Variants in MAGI1 observed in about 807,000 individuals in gnomAD.
MAGI1 encodes the protein membrane associated guanylate kinase, WW and PDZ domain containing 1.
In MAGI1, 58 loss-of-function variants were observed where a neutral mutation model predicts 139.9. The observed-to-expected ratio is 0.41, with a 90% confidence interval of 0.34 to 0.52. The LOEUF is 0.52. MAGI1 is among the 20% of genes least tolerant of loss of function. The pLI is 0.12. For synonymous variants in MAGI1, 812 were observed against 737.9 expected (o/e 1.10, Z -1.63); for missense variants, 1,874 against 1,901.6 (o/e 0.99, Z 0.27).
At chr3:65,683,476 T>TAA (rs367941270) in intron 1 of MAGI1, among the ~76,000 whole-genome samples, 3,606 of 148,850 alleles carry the variant, frequency 0.024, 136 homozygotes, top group African/African-American at 0.084. Context: ...AAAGCCTTAT[T>TAA]AAAAAAAAGA....
rs573853639 is a variant in MAGI1, at chr3:65,730,677, G to A, written c.314-108589C>T. ...GACACAAAATCAGGGGTCAGTTAGC[G>A]GGAACAGGGAGAGATGCTACTGAGG... is the stretch of plus-strand genomic sequence containing the variant. On this transcript the variant is annotated intron_variant, in intron 1 of 22. Coordinates refer to ENST00000402939, the MANE Select transcript of MAGI1 (RefSeq NM_001033057.2). Among the ~76,000 whole-genome samples the A allele has an allele frequency of 5.9e-5, 9 of 152,306 alleles. No individual in the cohort carries two copies. In the South Asian group the frequency reaches 1.4e-3, roughly 25 times the overall value.
At chr3:65,533,041 A>G (rs995824286) in intron 2 of MAGI1, 4 of 152,182 alleles carry the variant, frequency 2.6e-5, no homozygotes, top group Non-Finnish European at 5.9e-5. Context: ...CCTTCCACCT[A>G]AAGATAAACT....
chr3:65,360,351 C>CTTTT, intron 22 of MAGI1: 2 of 910,532 alleles, frequency 2.2e-6, no homozygotes, highest in Non-Finnish European at 2.6e-6. Context: ...ATAGCTTCTT[C>CTTTT]TTTTTTTTTT....
chr3:65,655,103 A>G (rs993416531), intron 1 of MAGI1, among the ~76,000 whole-genome samples: 1 of 152,162 alleles, frequency 6.6e-6, no homozygotes, highest in African/African-American at 2.4e-5. Flanking sequence ...CCTTTATTAC[A>G]CACAGTGTGT....
chr3:65,723,631 T>C (rs1706616664), intron 1 of MAGI1, among the ~76,000 whole-genome samples: 1 of 152,240 alleles, frequency 6.6e-6, no homozygotes, highest in South Asian at 2.1e-4. Context: ...TCTAGCAACA[T>C]CAGTCGACAC....
intron 1 of MAGI1, among the ~76,000 whole-genome samples, chr3:65,763,151 G>T (rs2037174097): frequency 6.6e-6 from 1 of 152,130 alleles, no homozygotes; most frequent in African/African-American, 2.4e-5. Context: ...TAGTAGGAAA[G>T]TCACATTCGT....
At chr3:65,585,568 G>A (rs1194480391) in intron 2 of MAGI1, among the ~76,000 whole-genome samples, 2 of 152,126 alleles carry the variant, frequency 1.3e-5, no homozygotes, top group Admixed American at 6.5e-5. Flanking sequence ...TGTTGCTGAT[G>A]AAAATGAAAA....
chr3:65,922,106 A>G (rs1203621763), intron 1 of MAGI1, among the ~76,000 whole-genome samples: 2 of 152,204 alleles, frequency 1.3e-5, no homozygotes, highest in Non-Finnish European at 2.9e-5. Context: ...AAAATCGCCT[A>G]AGATACAGGT....
chr3:66,007,891 A>AT (rs35578902), intron 1 of MAGI1, among the ~76,000 whole-genome samples: 10,440 of 122,484 alleles, frequency 0.085, 590 homozygotes, highest in Non-Finnish European at 0.12. Context: ...GGCTCCATAG[A>AT]TTTTTTTTTT....
At chr3:65,730,445 T>A (rs548644829) in intron 1 of MAGI1, among the ~76,000 whole-genome samples, 1 of 152,230 alleles carries the variant, frequency 6.6e-6, no homozygotes, top group Non-Finnish European at 1.5e-5. Flanking sequence ...ACTATCTTCA[T>A]GAGTATCCAT....
At chr3:65,743,083 C>T (rs538500665) in intron 1 of MAGI1, among the ~76,000 whole-genome samples, 85 of 152,232 alleles carry the variant, frequency 5.6e-4, no homozygotes, top group African/African-American at 2.0e-3. Flanking sequence ...TGCATATTTT[C>T]CTGGATGCTA....
At chr3:65,824,669 T>C (rs1170492767) in intron 1 of MAGI1, among the ~76,000 whole-genome samples, 1 of 152,194 alleles carries the variant, frequency 6.6e-6, no homozygotes, top group African/African-American at 2.4e-5. Context: ...TAGCCCTCCA[T>C]TCCCTCCTTA....
chr3:65,975,728 T>C (rs2065235209), intron 1 of MAGI1, among the ~76,000 whole-genome samples: 1 of 152,192 alleles, frequency 6.6e-6, no homozygotes, highest in South Asian at 2.1e-4. Flanking sequence ...TCTCTAGTTT[T>C]TCCTTTGCAA....
chr3:65,546,954 T>C (rs2079534142), intron 2 of MAGI1, among the ~76,000 whole-genome samples: 1 of 152,202 alleles, frequency 6.6e-6, no homozygotes, highest in Non-Finnish European at 1.5e-5. Context: ...TATGTATGCA[T>C]TTGTGTCTAT....
intron 1 of MAGI1, among the ~76,000 whole-genome samples, chr3:65,625,097 T>C (rs1263573243): frequency 1.3e-5 from 2 of 152,172 alleles, no homozygotes; most frequent in Non-Finnish European, 2.9e-5. Context: ...GGTCTCGAAC[T>C]CCTGCCCTCA....
intron 1 of MAGI1, among the ~76,000 whole-genome samples, chr3:65,671,956 A>T (rs1355861205): frequency 1.3e-5 from 2 of 152,218 alleles, no homozygotes; most frequent in South Asian, 2.1e-4. Flanking sequence ...CACCATAGAT[A>T]CAAAATTGGG....
chr3:65,731,328 A>G (rs1484924217), intron 1 of MAGI1, among the ~76,000 whole-genome samples: 2 of 152,092 alleles, frequency 1.3e-5, no homozygotes, highest in Non-Finnish European at 2.9e-5. Context: ...ACTTGGCTCC[A>G]GTCGGGTTAA....
intron 1 of MAGI1, among the ~76,000 whole-genome samples, chr3:65,932,447 C>A (rs922284003): frequency 1.3e-5 from 2 of 152,164 alleles, no homozygotes; most frequent in African/African-American, 4.8e-5. Flanking sequence ...AGGTATGTGT[C>A]TGCCCCCTAG....
chr3:65,670,395 T>C (rs1039517782), intron 1 of MAGI1, among the ~76,000 whole-genome samples: 3 of 151,752 alleles, frequency 2.0e-5, no homozygotes, highest in Admixed American at 1.3e-4. Context: ...ATTGCCAACA[T>C]TGAAGTTTTT....
Sources: allele counts gnomAD v4.1 joint callset (sites outside exome capture counted in the v4.1 genomes callset), GRCh38; gene constraint gnomAD v4.1.1; transcripts MANE v1.5; gene names NCBI Gene and HGNC (gene_info 2026-07-23, HGNC 2026-07-21).